PTPRT: variants seen among roughly 807,000 people sequenced by gnomAD.
PTPRT encodes protein tyrosine phosphatase receptor type T.
Under a neutral mutation model 176.8 loss-of-function variants are expected in PTPRT, and 56 were observed. That is an observed-to-expected ratio of 0.32 (90% CI 0.26 to 0.40). The LOEUF (loss-of-function observed/expected upper bound fraction) is 0.40, where lower values mean the gene tolerates loss of function less well. PTPRT is among the 10% of genes least tolerant of loss of function. The pLI, the probability that PTPRT is intolerant of heterozygous loss-of-function variation, is 1.00. For missense variants in PTPRT, 1,540 were observed against 1,908.2 expected, an observed-to-expected ratio of 0.81 and a Z score of 3.60; for synonymous variants, 783 against 739.0, an observed-to-expected ratio of 1.06 and a Z score of -0.96.
intron 13 of PTPRT, among the ~76,000 whole-genome samples, chr20:42,262,771 A>G (rs1017795866): frequency 6.6e-6 from 1 of 152,076 alleles, no homozygotes; most frequent in African/African-American, 2.4e-5. Context: ...AAGAGTTGAT[A>G]GAAACCAAAC....
At position 42,299,387 on chromosome 20, in the gene PTPRT, C is replaced by T. The variant is rs1449535042; in HGVS notation, c.2139+16336G>A. 2.6e-5 allele frequency among the ~76,000 whole-genome samples: 4 copies of T among 152,164 alleles called. No homozygotes were observed. The East Asian group carries it at 7.7e-4, about 29-fold the overall frequency. On this transcript the variant is annotated intron_variant, in intron 12 of 30. Transcript: ENST00000373187. ...ATAAACCAAATAATTTTCAACACAA[C>T]GGTTTGCATATATTTAGACTGAAGA...
chr20:42,653,198 T>C (rs1028044917), intron 7 of PTPRT, among the ~76,000 whole-genome samples: 1 of 152,212 alleles, frequency 6.6e-6, no homozygotes, highest in Non-Finnish European at 1.5e-5. Flanking sequence ...TAAGGGGCTT[T>C]TCCCCCACTT....
At chr20:43,157,715 T>C (rs73909573) in intron 1 of PTPRT, among the ~76,000 whole-genome samples, 64 of 152,272 alleles carry the variant, frequency 4.2e-4, no homozygotes, top group African/African-American at 1.5e-3. Flanking sequence ...GGTCATCTTA[T>C]TGAGAAGTAT....
chr20:42,645,653 A>C (rs938919068), intron 7 of PTPRT, among the ~76,000 whole-genome samples: 1 of 152,048 alleles, frequency 6.6e-6, no homozygotes, highest in South Asian at 2.1e-4. Flanking sequence ...GGCTACAACA[A>C]AGATAGATCA....
chr20:42,350,577 T>A, intron 11 of PTPRT, 51 bp downstream of exon 11: 1 of 1,407,626 alleles, frequency 7.1e-7, no homozygotes, highest in Non-Finnish European at 1.0e-6. Flanking sequence ...TGGAGGCCCA[T>A]GTGGCACAGA....
rs373908592 is a variant in PTPRT at position 42,114,576 on chromosome 20, T to C, written c.3099+623A>G. On this transcript the variant is annotated intron_variant, in intron 22 of 30. Transcript: ENST00000373187. ...ACTACTGATGCCTTGGGCTGGATAA[T>C]CCTTTGTTGTCGGAGGCTGTCCTGT... 2.6e-5 allele frequency among the ~76,000 whole-genome samples: 4 copies of C among 152,186 alleles called. No individual in the cohort carries two copies. In the South Asian group the frequency reaches 8.3e-4, roughly 32 times the overall value.
chr20:43,151,794 C>G (rs2014363988), intron 1 of PTPRT, among the ~76,000 whole-genome samples: 1 of 151,628 alleles, frequency 6.6e-6, no homozygotes, highest in South Asian at 2.1e-4. Flanking sequence ...ACCCGGGAGG[C>G]AGAGGTTGCA....
At chr20:42,183,565 G>A (rs1990609130) in intron 16 of PTPRT, among the ~76,000 whole-genome samples, 1 of 152,156 alleles carries the variant, frequency 6.6e-6, no homozygotes, top group African/African-American at 2.4e-5. Context: ...GGAAAATGGA[G>A]GTTTTGAAAA....
intron 6 of PTPRT, among the ~76,000 whole-genome samples, chr20:42,740,672 A>C (rs1028321479): frequency 2.0e-5 from 3 of 152,248 alleles, no homozygotes; most frequent in African/African-American, 7.2e-5. Context: ...GAATTAATCC[A>C]GAGCCAGTGG....
intron 1 of PTPRT, among the ~76,000 whole-genome samples, chr20:43,090,862 C>T (rs2011815685): frequency 6.6e-6 from 1 of 151,920 alleles, no homozygotes; most frequent in African/African-American, 2.4e-5. Context: ...TATATATATA[C>T]TTCACAGAAA....
intron 1 of PTPRT, among the ~76,000 whole-genome samples, chr20:43,071,874 G>T (rs2011185594): frequency 6.6e-6 from 1 of 152,218 alleles, no homozygotes; most frequent in Non-Finnish European, 1.5e-5. Flanking sequence ...CTTTCCCACA[G>T]GGAGGCAATG....
Position 42,308,786 on chromosome 20 carries a change from C to T in PTPRT, c.2139+6937G>A, listed in dbSNP as rs539756328. Among the ~76,000 whole-genome samples the T allele has an allele frequency of 4.6e-5, 7 of 152,300 alleles. No homozygotes were observed. The South Asian group carries it at 1.5e-3, about 32-fold the overall frequency. On this transcript the variant is annotated intron_variant, in intron 12 of 30. Coordinates refer to ENST00000373187, the MANE Select transcript of PTPRT (RefSeq NM_007050.6). Reference sequence around the variant, plus strand: ...CCACTCTATCATGCCACAGAAAACCCATCCATGTGCAACCATTTCTTTAAC... The same window carrying T: ...CCACTCTATCATGCCACAGAAAACCTATCCATGTGCAACCATTTCTTTAAC...
downstream of PTPRT, among the ~76,000 whole-genome samples, chr20:42,068,313 A>G (rs539541331): frequency 7.6e-4 from 115 of 152,314 alleles, 6 homozygotes; most frequent in South Asian, 0.023. Context: ...AATTGTTCCC[A>G]TGGCCGTGGA....
chr20:42,057,332 T>C, the PTPRT span, among the ~76,000 whole-genome samples: 1 of 151,856 alleles, frequency 6.6e-6, no homozygotes, highest in Non-Finnish European at 1.5e-5. Flanking sequence ...ATACATGTTA[T>C]TGGCGGGGGG....
chr20:43,183,752 T>C (rs999406290), intron 1 of PTPRT, among the ~76,000 whole-genome samples: 7 of 152,364 alleles, frequency 4.6e-5, no homozygotes, highest in Middle Eastern at 3.4e-3. Context: ...TCTGTCTCCA[T>C]AGATCTGCCT....
chr20:43,041,072 T>C (rs3092328), intron 1 of PTPRT, among the ~76,000 whole-genome samples: 48,210 of 152,068 alleles, frequency 0.32, 10,585 homozygotes, highest in African/African-American at 0.62. Flanking sequence ...CAGCAATCTG[T>C]GGTTTAACAA....
chr20:42,527,945 T>C (rs1223762705), intron 7 of PTPRT, among the ~76,000 whole-genome samples: 1 of 152,226 alleles, frequency 6.6e-6, no homozygotes, highest in Non-Finnish European at 1.5e-5. Context: ...TAGTAGAATA[T>C]AGAATCTTTT....
Position 42,859,086 on chromosome 20 carries a change from C to T in PTPRT, c.214+26721G>A, listed in dbSNP as rs573931949. ...CAGGAGAAGGGACTCCAGTAGATAG[C>T]GTTCAAGTGGCTGGGGGTGGGGAAG... is the stretch of plus-strand genomic sequence containing the variant. On this transcript the variant is annotated intron_variant, in intron 2 of 30. Coordinates refer to ENST00000373187, the MANE Select transcript of PTPRT (RefSeq NM_007050.6). Among the ~76,000 whole-genome samples the T allele has an allele frequency of 5.3e-5, 8 of 152,240 alleles. No homozygotes were observed. In the East Asian group the frequency reaches 1.5e-3, roughly 29 times the overall value.
At chr20:42,326,474 G>T (rs1381871868) in intron 11 of PTPRT, among the ~76,000 whole-genome samples, 1 of 152,088 alleles carries the variant, frequency 6.6e-6, no homozygotes, top group Non-Finnish European at 1.5e-5. Flanking sequence ...ATTAATAAAA[G>T]AATTCAGTAA....
Sources: gnomAD v4.1 joint callset for allele counts (sites outside exome capture counted in the v4.1 genomes callset) on GRCh38, gnomAD v4.1.1 for gene constraint, MANE v1.5 for transcripts, NCBI Gene and HGNC (gene_info 2026-07-23, HGNC 2026-07-21) for gene names.